UTRN: variants seen among roughly 807,000 people sequenced by gnomAD.
UTRN encodes dystrophin-related protein 1.
In UTRN, 283 loss-of-function variants were observed where a neutral mutation model predicts 463.9. The ratio of observed to expected loss-of-function variants is 0.61; its 90% CI spans 0.55 to 0.67. UTRN has a LOEUF of 0.67. Ranked by LOEUF, UTRN falls within the 30% of genes least tolerant of loss-of-function variation. The pLI, the probability that UTRN is intolerant of heterozygous loss-of-function variation, is 0.00. For synonymous variants in UTRN, 1,442 were observed against 1,431.5 expected, an observed-to-expected ratio of 1.01 and a Z score of -0.17; for missense variants, 3,922 against 4,084.3, an observed-to-expected ratio of 0.96 and a Z score of 1.08.
intron 60 of UTRN, among the ~76,000 whole-genome samples, chr6:144,775,717 A>G (rs1001852195): frequency 6.6e-6 from 1 of 152,132 alleles, no homozygotes; most frequent in Non-Finnish European, 1.5e-5. Context: ...ATGAGGACAA[A>G]TGACTCAGCC....
At position 144,737,524 on chromosome 6, in the gene UTRN, C is replaced by T. The variant is rs571972092; in HGVS notation, c.7939+7038C>T. The stretch of plus-strand genomic sequence containing the variant: ...AGAATATAAATCAGTTAAGAGAAGG[C>T]ATAGGAATTTATATTATATTTTAGT... On this transcript the variant is annotated intron_variant, in intron 54 of 74. Coordinates refer to ENST00000367545, the MANE Select transcript of UTRN (RefSeq NM_007124.3). Among the ~76,000 whole-genome samples the T allele has an allele frequency of 2.0e-5, 3 of 152,162 alleles. No individual in the cohort carries two copies. In the South Asian group the frequency reaches 6.2e-4, roughly 32 times the overall value.
At chr6:144,736,644 C>G (rs1789432641) in intron 54 of UTRN, among the ~76,000 whole-genome samples, 1 of 152,086 alleles carries the variant, frequency 6.6e-6, no homozygotes, top group Admixed American at 6.6e-5. Context: ...AATGATAAAC[C>G]TAAAGCACAA....
At chr6:144,788,107 A>T (rs189968853) in intron 61 of UTRN, among the ~76,000 whole-genome samples, 2 of 152,182 alleles carry the variant, frequency 1.3e-5, no homozygotes, top group African/African-American at 4.8e-5. Flanking sequence ...AACATGTTTC[A>T]TCTGGTCGAC....
rs4896731 is a variant in UTRN, at chr6:144,629,036, C to T, written c.7480-49370C>T. On this transcript the variant is annotated intron_variant, in intron 51 of 74. Coordinates refer to ENST00000367545, the MANE Select transcript of UTRN (RefSeq NM_007124.3). ...GGAAAATTGATTATTACATTGGTAG[C>T]TCTCTTTATGAAATTTTCTTTTATT... Among the ~76,000 whole-genome samples, 691 of 152,222 alleles carry T rather than the reference C, an allele frequency of 4.5e-3. 17 individuals carry two copies. Among genetic ancestry groups the T allele is most frequent in the Admixed American group, 0.038 (578 of 15,294 alleles).
At chr6:144,583,207 C>T (rs1037147599) in intron 51 of UTRN, 6 of 327,204 alleles carry the variant, frequency 1.8e-5, no homozygotes, top group Non-Finnish European at 3.3e-5. Context: ...CTTGGCTGCT[C>T]GACAACTTCC....
At position 144,794,114 on chromosome 6, in the gene UTRN, C is replaced by T. The variant is rs185807308; in HGVS notation, c.9078+123C>T. The T allele has an allele frequency of 1.0e-3, 1,378 of 1,332,276 alleles. 5 individuals are homozygous for T. The highest frequency in any genetic ancestry group is 1.1e-3 in the Admixed American group (43 of 37,650). 82.5% of individuals were successfully genotyped at this position (1,332,276 alleles called of 1,614,324 possible). ...CTGGAAGACTTTGGGTACCATCCAACAAGTGGTGTATTTTATTTCCTAAGG... is the reference window on the plus strand; with the variant it reads ...CTGGAAGACTTTGGGTACCATCCAATAAGTGGTGTATTTTATTTCCTAAGG... On this transcript the variant is annotated intron_variant, in intron 63 of 74. Coordinates refer to ENST00000367545, the MANE Select transcript of UTRN (RefSeq NM_007124.3).
In UTRN at chr6:144,471,897, T is replaced by A. The variant is rs1584925209; in HGVS notation, c.3067-1823T>A. Among the ~76,000 whole-genome samples, 3 of 152,356 alleles carry A rather than the reference T, an allele frequency of 2.0e-5. No individual in the cohort carries two copies. The East Asian group carries it at 5.8e-4, about 29-fold the overall frequency. On this transcript the variant is annotated intron_variant, in intron 23 of 74. Transcript: ENST00000367545. ...GATAAGCACTTTTTACTTGCCATCT[T>A]CATCAGAGAATGGCCTTCAAAACTA...
chr6:144,506,311 A>G (rs1167295183), intron 34 of UTRN, among the ~76,000 whole-genome samples: 2 of 152,042 alleles, frequency 1.3e-5, no homozygotes, highest in African/African-American at 2.4e-5. Context: ...TTATGATGTT[A>G]TCTGGTTATT....
intron 44 of UTRN, among the ~76,000 whole-genome samples, chr6:144,538,440 C>T (rs1017374828): frequency 4.6e-5 from 7 of 151,592 alleles, no homozygotes; most frequent in African/African-American, 7.3e-5. Flanking sequence ...GAGGCCGAGG[C>T]GGGTGGATCA....
chr6:144,807,800 C>T (rs545083869), intron 65 of UTRN, among the ~76,000 whole-genome samples: 1 of 152,236 alleles, frequency 6.6e-6, no homozygotes, highest in East Asian at 1.9e-4. Context: ...TCTCAATTAT[C>T]TTTTTACCTC....
chr6:144,494,835 T>C (rs1307530932), intron 33 of UTRN, among the ~76,000 whole-genome samples: 1 of 151,890 alleles, frequency 6.6e-6, no homozygotes, highest in Non-Finnish European at 1.5e-5. Flanking sequence ...TTGAGCTAGA[T>C]ACAGAGTGCC....
At chr6:144,840,607 C>T in intron 72 of UTRN, 133 bp from the exon 73 acceptor site, 2 of 968,912 alleles carry the variant, frequency 2.1e-6, no homozygotes, top group South Asian at 1.7e-5. Flanking sequence ...CTAAAATTGT[C>T]CTTTGCAATG....
At chr6:144,709,707 GT>G (rs1331538731) in intron 53 of UTRN, among the ~76,000 whole-genome samples, 5 of 152,150 alleles carry the variant, frequency 3.3e-5, no homozygotes, top group Non-Finnish European at 7.4e-5. Flanking sequence ...ATGGAATTTT[GT>G]GAAGAGACAA....
At position 144,730,717 on chromosome 6, in the gene UTRN, AAAAAATAGATTGTCT is replaced by A. The variant is rs149320629; in HGVS notation, c.7939+237_7939+251del. Reference sequence around the variant, plus strand: ...CAATTTTAAAGGAAATTAACTGCAGAAAAAATAGATTGTCTAAAAAGTGTACTGTAACTATAAAAG... The same window carrying A: ...CAATTTTAAAGGAAATTAACTGCAGAAAAAAGTGTACTGTAACTATAAAAG... On this transcript the variant is annotated intron_variant, in intron 54 of 74. Coordinates refer to ENST00000367545, the MANE Select transcript of UTRN (RefSeq NM_007124.3). 2.6e-5 allele frequency among the ~76,000 whole-genome samples: 4 copies of A among 152,172 alleles called. No individual in the cohort carries two copies. In the East Asian group the frequency reaches 7.7e-4, roughly 29 times the overall value.
intron 3 of UTRN, among the ~76,000 whole-genome samples, chr6:144,415,634 G>A (rs1258304005): frequency 6.6e-6 from 1 of 152,096 alleles, no homozygotes. Flanking sequence ...AGAGAGGGTG[G>A]GACCAGATCT....
intron 53 of UTRN, among the ~76,000 whole-genome samples, chr6:144,704,902 C>T (rs1784937280): frequency 6.6e-6 from 1 of 152,124 alleles, no homozygotes; most frequent in Admixed American, 6.6e-5. Flanking sequence ...GCAGAGGTTG[C>T]AGTGAGCCAA....
At chr6:144,671,578 A>C (rs763773474) in intron 51 of UTRN, among the ~76,000 whole-genome samples, 7 of 151,850 alleles carry the variant, frequency 4.6e-5, no homozygotes, top group Admixed American at 1.3e-4. Context: ...TCATGTCATC[A>C]GCTAACAGTT....
At chr6:144,345,650 A>G (rs972207278) in intron 2 of UTRN, among the ~76,000 whole-genome samples, 1 of 152,124 alleles carries the variant, frequency 6.6e-6, no homozygotes, top group Non-Finnish European at 1.5e-5. Context: ...TCCAGTTTGG[A>G]CAACAGAGGG....
Position 144,474,764 on chromosome 6 carries a change from G to A in UTRN, c.3336+5G>A, listed in dbSNP as rs1175299234. 2 of 1,610,844 alleles carry A rather than the reference G, an allele frequency of 1.2e-6. No homozygotes were observed. Among genetic ancestry groups the A allele is most frequent in the East Asian group, 2.2e-5 (1 of 44,802 alleles). ...CTGGAGAAACTTAGCAAGGAGGTGA[G>A]TTTTTCAACTTTACTACCTACGGTT... On this transcript the variant is annotated splice_donor_5th_base_variant and intron_variant, in intron 25 of 74. Coordinates refer to ENST00000367545, the MANE Select transcript of UTRN (RefSeq NM_007124.3).
Sources: allele counts gnomAD v4.1 joint callset (sites outside exome capture counted in the v4.1 genomes callset), GRCh38; gene constraint gnomAD v4.1.1; transcripts MANE v1.5; gene names NCBI Gene and HGNC (gene_info 2026-07-23, HGNC 2026-07-21).